EFHD1: variants seen among roughly 807,000 people sequenced by gnomAD.
EFHD1 encodes EF-hand domain-containing protein D1.
Under a neutral mutation model 17.2 loss-of-function variants are expected in EFHD1, and 10 were observed. That is an observed-to-expected ratio of 0.58 (90% CI 0.36 to 0.99). The LOEUF (loss-of-function observed/expected upper bound fraction) is 0.99. Among genes scored for constraint, EFHD1 ranks in the 50% least tolerant of loss-of-function variants. The pLI, the probability that EFHD1 is intolerant of heterozygous loss-of-function variation, is 0.01. For missense variants in EFHD1, 310 were observed against 327.5 expected, an observed-to-expected ratio of 0.95 and a Z score of 0.41; for synonymous variants, 153 against 142.0, an observed-to-expected ratio of 1.08 and a Z score of -0.55.
At chr2:232,680,587 G>A (rs1695260868) in intron 3 of EFHD1, among the ~76,000 whole-genome samples, 1 of 152,092 alleles carries the variant, frequency 6.6e-6, no homozygotes, top group Admixed American at 6.6e-5. Context: ...GAGTCTCACT[G>A]CAGCCTCGAC....
intron 1 of EFHD1, among the ~76,000 whole-genome samples, chr2:232,617,081 G>A (rs1482175428): frequency 6.6e-6 from 1 of 152,216 alleles, no homozygotes; most frequent in Non-Finnish European, 1.5e-5. Context: ...ATGGCCCAAG[G>A]ACGGGCTCTT....
chr2:232,639,535 ACTAACTTTATACC>A (rs1185121309), intron 1 of EFHD1, among the ~76,000 whole-genome samples: 2 of 152,128 alleles, frequency 1.3e-5, no homozygotes, highest in African/African-American at 4.8e-5. Flanking sequence ...TACCAACCAA[ACTAACTTTATACC>A]CTCAGCCCTG....
intron 1 of EFHD1, among the ~76,000 whole-genome samples, chr2:232,617,493 A>C (rs1264272224): frequency 6.6e-6 from 1 of 151,178 alleles, no homozygotes; most frequent in Non-Finnish European, 1.5e-5. Flanking sequence ...ACTAAAAAAA[A>C]ATACAAAAAA....
upstream of EFHD1, among the ~76,000 whole-genome samples, chr2:232,630,512 C>T (rs1694183125): frequency 6.6e-6 from 1 of 152,162 alleles, no homozygotes; most frequent in African/African-American, 2.4e-5. Flanking sequence ...CAATCTTTGC[C>T]CCTTGCAGAT....
At chr2:232,615,246 T>C (rs1359674345) in intron 1 of EFHD1, among the ~76,000 whole-genome samples, 2 of 152,040 alleles carry the variant, frequency 1.3e-5, no homozygotes, top group African/African-American at 4.8e-5. Flanking sequence ...AATGAAAAGT[T>C]ATATTAGGAT....
intron 1 of EFHD1, among the ~76,000 whole-genome samples, chr2:232,619,108 G>T (rs181918885): frequency 6.6e-6 from 1 of 151,692 alleles, no homozygotes; most frequent in Non-Finnish European, 1.5e-5. Flanking sequence ...AGCCGAGATC[G>T]CGCCATTGCA....
At chr2:232,676,533 A>G (rs1262591265) in intron 3 of EFHD1, among the ~76,000 whole-genome samples, 4 of 152,138 alleles carry the variant, frequency 2.6e-5, no homozygotes, top group African/African-American at 9.7e-5. Context: ...ACGCTGGAAT[A>G]TCATTATCTC....
At chr2:232,662,736 A>C in intron 1 of EFHD1, 66 bp from the exon 2 acceptor site, 1 of 1,541,846 alleles carries the variant, frequency 6.5e-7, no homozygotes, top group Non-Finnish European at 8.7e-7. Context: ...AAGCCAAAGG[A>C]ATTACATGTT....
intron 2 of EFHD1, among the ~76,000 whole-genome samples, chr2:232,670,924 T>C (rs1000262827): frequency 1.3e-5 from 2 of 152,210 alleles, no homozygotes; most frequent in African/African-American, 4.8e-5. Context: ...TACAAGTTGT[T>C]AAAAAACCAT....
rs1695313978 is a variant in EFHD1, at chr2:232,682,698, T to G, written c.*979T>G. ...ATACTAGGGGTTTTTGTTGTATTTT[T>G]AACAAATATATCCTAATGTCATATT... On this transcript the variant is annotated 3_prime_UTR_variant, in exon 4 of 4. Coordinates refer to ENST00000264059, the MANE Select transcript of EFHD1 (RefSeq NM_025202.4). 6.6e-6 allele frequency: 1 copy of G among 152,362 alleles called. No homozygotes were observed. The highest frequency in any genetic ancestry group is 6.5e-5 in the Admixed American group (1 of 15,302). 9.4% of individuals were successfully genotyped at this position (152,362 alleles called of 1,614,324 possible).
chr2:232,676,473 A>G (rs2106219707), intron 3 of EFHD1, among the ~76,000 whole-genome samples: 1 of 152,280 alleles, frequency 6.6e-6, no homozygotes, highest in Admixed American at 6.5e-5. Context: ...GTTGAGGGTC[A>G]TGGAGTAATT....
chr2:232,623,313 T>C (rs545854308), intron 1 of EFHD1, among the ~76,000 whole-genome samples: 1 of 152,320 alleles, frequency 6.6e-6, no homozygotes, highest in African/African-American at 2.4e-5. Flanking sequence ...CCCAAAGTGC[T>C]GGGATTACTG....
intron 3 of EFHD1, among the ~76,000 whole-genome samples, chr2:232,679,938 G>A (rs1056400229): frequency 8.5e-5 from 13 of 152,144 alleles, no homozygotes; most frequent in Middle Eastern, 3.4e-3. Flanking sequence ...TGTGTAAATC[G>A]GAGCAGCTAC....
At chr2:232,621,994 A>C (rs1694025850) in intron 1 of EFHD1, among the ~76,000 whole-genome samples, 1 of 152,218 alleles carries the variant, frequency 6.6e-6, no homozygotes, top group Non-Finnish European at 1.5e-5. Flanking sequence ...ACTGCCAGAG[A>C]ATTTGGGGAA....
In EFHD1 at chr2:232,639,356, CT is replaced by C. The variant is rs537011650; in HGVS notation, c.302+5364del. Reference sequence around the variant, plus strand: ...AGCTGTAAGGTCCAGGAGACTTTAACTTTTTTTTTTTTTTCTTTTCTCAAGA... The same window carrying C: ...AGCTGTAAGGTCCAGGAGACTTTAACTTTTTTTTTTTTTCTTTTCTCAAGA... On this transcript the variant is annotated intron_variant, in intron 1 of 3. Coordinates refer to ENST00000264059, the MANE Select transcript of EFHD1 (RefSeq NM_025202.4). 2.0e-3 allele frequency among the ~76,000 whole-genome samples: 296 copies of C among 145,236 alleles called. 3 individuals carry two copies. The highest frequency in any genetic ancestry group is 7.1e-3 in the Middle Eastern group (2 of 282).
At chr2:232,614,240 G>A (rs572707308) in intron 1 of EFHD1, among the ~76,000 whole-genome samples, 1 of 152,140 alleles carries the variant, frequency 6.6e-6, no homozygotes, top group South Asian at 2.1e-4. Flanking sequence ...AACAACACAG[G>A]TTTGAACTGC....
intron 1 of EFHD1, among the ~76,000 whole-genome samples, chr2:232,613,602 C>CCACACA (rs138706897): frequency 7.5e-4 from 104 of 138,422 alleles, no homozygotes; most frequent in African/African-American, 2.0e-3. Context: ...CAAAGAGGAA[C>CCACACA]CACACACACA....
chr2:232,619,159 A>C (rs1026192511), intron 1 of EFHD1, among the ~76,000 whole-genome samples: 1 of 29,746 alleles, frequency 3.4e-5, no homozygotes. Context: ...ATCTCAAAAT[A>C]TAAATAAATA....
chr2:232,630,784 T>TAAAA (rs35113329), upstream of EFHD1, among the ~76,000 whole-genome samples: 1 of 134,926 alleles, frequency 7.4e-6, no homozygotes, highest in Admixed American at 7.6e-5. Context: ...TCATCTCTAT[T>TAAAA]AAAAAAAAAA....
Sources: allele counts gnomAD v4.1 joint callset (sites outside exome capture counted in the v4.1 genomes callset), GRCh38; gene constraint gnomAD v4.1.1; transcripts MANE v1.5; gene names NCBI Gene and HGNC (gene_info 2026-07-23, HGNC 2026-07-21).